Variants in DNAJB6 observed in about 807,000 individuals in gnomAD.
The protein encoded by DNAJB6 is dnaJ homolog subfamily B member 6.
DNAJB6 carries 16 observed loss-of-function variants against 42.7 expected under a neutral mutation model. The ratio of observed to expected loss-of-function variants is 0.37; its 90% CI spans 0.25 to 0.57. The LOEUF is 0.57. Among genes scored for constraint, DNAJB6 ranks in the 20% least tolerant of loss-of-function variants. The probability of loss-of-function intolerance (pLI) is 0.74; values close to 1 mark genes in which losing one functional copy is unlikely to be tolerated. For missense variants in DNAJB6, 347 were observed against 416.8 expected (o/e 0.83, Z 1.46); for synonymous variants, 170 against 163.5 (o/e 1.04, Z -0.30).
At chr7:157,342,879 T>C (rs1394481890) in intron 1 of DNAJB6, among the ~76,000 whole-genome samples, 1 of 152,118 alleles carries the variant, frequency 6.6e-6, no homozygotes, top group Non-Finnish European at 1.5e-5. Context: ...TTCAGAAATA[T>C]TTTAGGACAT....
intron 8 of DNAJB6, chr7:157,386,443 A>G (rs1036195817): frequency 1.2e-4 from 41 of 328,164 alleles, no homozygotes; most frequent in Non-Finnish European, 1.7e-4. Context: ...TTTCTTCAGT[A>G]TATTTGAAGT....
intron 5 of DNAJB6, among the ~76,000 whole-genome samples, chr7:157,374,056 G>A (rs1800349896): frequency 6.6e-6 from 1 of 152,124 alleles, no homozygotes; most frequent in South Asian, 2.1e-4. Flanking sequence ...AAACCGTGAT[G>A]TACGAGACTG....
At chr7:157,378,497 A>G (rs1037227929) in intron 5 of DNAJB6, 3 of 152,114 alleles carry the variant, frequency 2.0e-5, no homozygotes, top group African/African-American at 7.2e-5. Context: ...CCACGGGAGC[A>G]TTGTAGCACG....
At chr7:157,343,159 G>C (rs887962937) in intron 1 of DNAJB6, among the ~76,000 whole-genome samples, 1 of 96,150 alleles carries the variant, frequency 1.0e-5, no homozygotes. Context: ...CCACACCCAG[G>C]TAATTTTTTT....
At position 157,416,292 on chromosome 7, in the gene DNAJB6, C is replaced by T. The variant is rs2116699914; in HGVS notation, c.*194C>T. On this transcript the variant is annotated 3_prime_UTR_variant, in exon 10 of 10. Coordinates refer to ENST00000262177, the MANE Select transcript of DNAJB6 (RefSeq NM_058246.4). ...GGGCTGACGGCACGGGTGGCGGGGA[C>T]AGACGTTTGGGACTTGGCCGCGACT... The T allele has an allele frequency of 2.5e-6, 2 of 798,450 alleles. No individual in the cohort carries two copies. The allele number at this position is 798,450 out of a possible 1,614,324, so 49.5% of individuals were successfully genotyped here. A position where few individuals can be genotyped will look rare whatever the true frequency, so the allele number is the denominator to read the frequency against.
At chr7:157,382,489 A>G (rs1288611224) in intron 6 of DNAJB6, 112 bp downstream of exon 6, 8 of 1,231,182 alleles carry the variant, frequency 6.5e-6, no homozygotes, top group Non-Finnish European at 7.6e-6. Flanking sequence ...CTTTCGTAGA[A>G]TAGCATTGTG....
intron 5 of DNAJB6, chr7:157,369,141 G>T: frequency 2.6e-6 from 1 of 380,460 alleles, no homozygotes; most frequent in African/African-American, 2.1e-5. Flanking sequence ...GGGACCGGGA[G>T]ACTGGCGTGC....
intron 8 of DNAJB6, among the ~76,000 whole-genome samples, chr7:157,387,607 A>G (rs891024717): frequency 6.6e-6 from 1 of 152,180 alleles, no homozygotes; most frequent in African/African-American, 2.4e-5. Context: ...CTTTACCTGT[A>G]ATTCTTAAAC....
Position 157,377,443 on chromosome 7 carries a change from T to A in DNAJB6, c.347-4803T>A, listed in dbSNP as rs114764096. On this transcript the variant is annotated intron_variant, in intron 5 of 9. Coordinates refer to ENST00000262177, the MANE Select transcript of DNAJB6 (RefSeq NM_058246.4). ...CCATTTAAAGATGCTTCTGAAGAGA[T>A]GAGCATACATGTTTTGCTTTGCAGA... Among the ~76,000 whole-genome samples, 649 of 152,312 alleles carry A rather than the reference T, an allele frequency of 4.3e-3. 5 individuals carry two copies. Among genetic ancestry groups the A allele is most frequent in the African/African-American group, 0.015 (619 of 41,560 alleles).
chr7:157,361,585 A>C (rs1033975504), intron 2 of DNAJB6, among the ~76,000 whole-genome samples: 1 of 152,244 alleles, frequency 6.6e-6, no homozygotes, highest in Non-Finnish European at 1.5e-5. Context: ...ATTGAGCCAC[A>C]ACAGCTTTAC....
intron 8 of DNAJB6, among the ~76,000 whole-genome samples, chr7:157,396,199 T>C (rs1344637520): frequency 6.6e-6 from 1 of 152,150 alleles, no homozygotes; most frequent in Non-Finnish European, 1.5e-5. Flanking sequence ...TCTGCCCGCT[T>C]CAGCCTCCCA....
At chr7:157,350,717 T>G (rs1259269950) in intron 1 of DNAJB6, among the ~76,000 whole-genome samples, 2 of 149,424 alleles carry the variant, frequency 1.3e-5, no homozygotes, top group Admixed American at 6.8e-5. Context: ...TGAGATGGAG[T>G]CTTACTCTGT....
chr7:157,386,105 G>A (rs1384489511), intron 8 of DNAJB6: 1 of 973,448 alleles, frequency 1.0e-6, no homozygotes, highest in Admixed American at 6.2e-5. Context: ...ATACATTAAT[G>A]GTAATACATT....
chr7:157,349,208 C>G (rs1448023170), intron 1 of DNAJB6, among the ~76,000 whole-genome samples: 1 of 152,084 alleles, frequency 6.6e-6, no homozygotes, highest in Non-Finnish European at 1.5e-5. Context: ...ACATGCCTGT[C>G]TTCCACTAAA....
At chr7:157,366,610 G>A (rs758663483) in intron 4 of DNAJB6, 49 bp downstream of exon 4, 1 of 1,549,790 alleles carries the variant, frequency 6.5e-7, no homozygotes, top group South Asian at 1.1e-5. Flanking sequence ...TGGCAAGTAA[G>A]TTGAGTTTGT....
At chr7:157,409,661 A>G in intron 8 of DNAJB6, 134 bp from the exon 9 acceptor site, 2 of 1,008,546 alleles carry the variant, frequency 2.0e-6, no homozygotes, top group Non-Finnish European at 2.8e-6. Context: ...AAAGGAGATA[A>G]CCTCTTTCTC....
At chr7:157,394,207 C>T (rs1801480096) in intron 8 of DNAJB6, among the ~76,000 whole-genome samples, 1 of 152,074 alleles carries the variant, frequency 6.6e-6, no homozygotes, top group Admixed American at 6.6e-5. Context: ...CTAAGTCGTT[C>T]TTTTAAATTT....
At chr7:157,353,789 A>C (rs1799132506) in intron 1 of DNAJB6, among the ~76,000 whole-genome samples, 1 of 151,978 alleles carries the variant, frequency 6.6e-6, no homozygotes, top group South Asian at 2.1e-4. Flanking sequence ...CAGCCTCCTG[A>C]GTAGCTGGGA....
chr7:157,384,999 C>T lies in DNAJB6; in HGVS notation c.611C>T (p.Thr204Ile), dbSNP rs752308458. 6.8e-6 allele frequency: 11 copies of T among 1,613,906 alleles called. No individual in the cohort carries two copies. Among genetic ancestry groups the T allele is most frequent in the African/African-American group, 5.3e-5 (4 of 74,920 alleles). Reference sequence around the variant, plus strand: ...AAAATGGTTAATGGCAGAAAAATCACTACAAAGAGGTACTGTGGTATTCTG... The same window carrying T: ...AAAATGGTTAATGGCAGAAAAATCATTACAAAGAGGTACTGTGGTATTCTG... ...STKMVNGRKI[T>I]TKRIVENGQE... Residue 204 changes from threonine (T) to isoleucine (I), a missense_variant, in exon 7 of 10, where the codon ACT becomes ATT. Transcript: ENST00000262177.
Sources: allele counts gnomAD v4.1 joint callset (sites outside exome capture counted in the v4.1 genomes callset), GRCh38; gene constraint gnomAD v4.1.1; transcripts MANE v1.5; gene names NCBI Gene and HGNC (gene_info 2026-07-23, HGNC 2026-07-21).